Variants in PSTPIP1 observed in about 807,000 individuals in gnomAD.
The protein encoded by PSTPIP1 is proline-serine-threonine phosphatase-interacting protein 1.
A neutral mutation model predicts 69.6 loss-of-function variants in PSTPIP1; 66 were observed. That is an observed-to-expected ratio of 0.95 (90% CI 0.78 to 1.16). The LOEUF (loss-of-function observed/expected upper bound fraction) is 1.16. Ranked by LOEUF, PSTPIP1 falls within the 50% of genes most tolerant of loss-of-function variation. The probability of loss-of-function intolerance (pLI) is 0.00; values close to 1 mark genes in which losing one functional copy is unlikely to be tolerated. For synonymous variants in PSTPIP1, 266 were observed against 222.7 expected, an observed-to-expected ratio of 1.19 and a Z score of -1.73; for missense variants, 603 against 557.4, an observed-to-expected ratio of 1.08 and a Z score of -0.82.
intron 11 of PSTPIP1, 81 bp from the exon 12 acceptor site, chr15:77,032,781 A>G: frequency 8.0e-7 from 1 of 1,255,282 alleles, no homozygotes; most frequent in South Asian, 1.4e-5. Context: ...CAGATTGGGA[A>G]TGTAGGGCCC....
chr15:77,028,819 A>C (rs1255688018), intron 7 of PSTPIP1, among the ~76,000 whole-genome samples, 167 bp downstream of exon 7: 1 of 152,196 alleles, frequency 6.6e-6, no homozygotes, highest in African/African-American at 2.4e-5. Flanking sequence ...CCTGGAGAGA[A>C]CCTCAGGCCA....
intron 6 of PSTPIP1, chr15:77,028,224 A>G: frequency 2.0e-6 from 1 of 505,946 alleles, no homozygotes; most frequent in African/African-American, 2.0e-5. Flanking sequence ...GACGCTGGAC[A>G]GGAAGGGAGA....
intron 14 of PSTPIP1, among the ~76,000 whole-genome samples, chr15:77,036,692 G>A (rs2076582105): frequency 2.0e-5 from 3 of 152,128 alleles, no homozygotes; most frequent in Non-Finnish European, 4.4e-5. Context: ...GCTGGGGCTG[G>A]GGACCGCAAA....
In PSTPIP1 at chr15:77,018,502, A is replaced by G; in HGVS notation, c.183A>G (p.Ala61=). The G allele has an allele frequency of 6.3e-7, 1 of 1,580,994 alleles. No homozygotes were observed. The highest frequency in any genetic ancestry group is 8.6e-7 in the Non-Finnish European group (1 of 1,163,472). ...ACGGGAAGGAGCTGGTGCAGATCGCACGGAAGGCAGGTGGCCAGACGGAGA... is the reference window on the plus strand; with the variant it reads ...ACGGGAAGGAGCTGGTGCAGATCGCGCGGAAGGCAGGTGGCCAGACGGAGA... ...ERYGKELVQI[A]RKAGGQTEIN... The change falls in exon 3 of 15, where the codon GCA becomes GCG. Residue 61 remains alanine (A), a synonymous_variant. Coordinates refer to ENST00000558012, the MANE Select transcript of PSTPIP1 (RefSeq NM_003978.5).
intron 1 of PSTPIP1, among the ~76,000 whole-genome samples, chr15:77,012,090 G>A (rs1471321958): frequency 2.0e-5 from 3 of 151,620 alleles, no homozygotes; most frequent in Non-Finnish European, 4.4e-5. Context: ...GTAAGCAACC[G>A]CCTTGTTTAC....
chr15:77,010,132 G>GC (rs1204301964), intron 1 of PSTPIP1, among the ~76,000 whole-genome samples: 4 of 152,166 alleles, frequency 2.6e-5, no homozygotes, highest in African/African-American at 9.7e-5. Context: ...TTCCTCACTT[G>GC]CCCTCACTGT....
chr15:77,002,191 C>T (rs575997673), intron 1 of PSTPIP1, among the ~76,000 whole-genome samples: 4 of 152,340 alleles, frequency 2.6e-5, no homozygotes, highest in East Asian at 1.9e-4. Context: ...ACCTAAGGCA[C>T]GGCAGGTCTA....
chr15:76,995,731 C>T, intron 1 of PSTPIP1, 122 bp downstream of exon 1: 1 of 1,554,470 alleles, frequency 6.4e-7, no homozygotes, highest in Non-Finnish European at 8.8e-7. Flanking sequence ...GTGGTTGATT[C>T]TTGGTCTTAA....
intron 6 of PSTPIP1, chr15:77,028,225 G>A: frequency 7.8e-6 from 4 of 509,690 alleles, no homozygotes; most frequent in Non-Finnish European, 1.4e-5. Context: ...ACGCTGGACA[G>A]GAAGGGAGAG....
At chr15:77,000,476 T>TATACACAC (rs1033258180) in intron 1 of PSTPIP1, among the ~76,000 whole-genome samples, 1 of 146,794 alleles carries the variant, frequency 6.8e-6, no homozygotes, top group Non-Finnish European at 1.5e-5. Context: ...TATATATATA[T>TATACACAC]ACACACACAC....
At chr15:77,009,722 C>T (rs1221657554) in intron 1 of PSTPIP1, among the ~76,000 whole-genome samples, 1 of 152,198 alleles carries the variant, frequency 6.6e-6, no homozygotes, top group African/African-American at 2.4e-5. Flanking sequence ...TCATCCCGAT[C>T]TCACAGAGGA....
In PSTPIP1 at chr15:77,025,790, G is replaced by A. The variant is rs748368596; in HGVS notation, c.354+186G>A. 3.3e-5 allele frequency among the ~76,000 whole-genome samples: 5 copies of A among 152,162 alleles called. No individual in the cohort carries two copies. In the East Asian group the frequency reaches 5.8e-4, roughly 18 times the overall value. ...GGGTAGGGAGGGCAGAGGCCTGGCCGCTGGCACTAAGGCCAACTCTTAGTC... is the reference window on the plus strand; with the variant it reads ...GGGTAGGGAGGGCAGAGGCCTGGCCACTGGCACTAAGGCCAACTCTTAGTC... On this transcript the variant is annotated intron_variant, in intron 5 of 14. Transcript: ENST00000558012.
At chr15:77,023,844 G>C (rs1240770943) in intron 3 of PSTPIP1, among the ~76,000 whole-genome samples, 1 of 152,082 alleles carries the variant, frequency 6.6e-6, no homozygotes, top group Non-Finnish European at 1.5e-5. Context: ...GCCTCTAACT[G>C]AATGAGTGGG....
In PSTPIP1 at chr15:77,037,123, G is replaced by A. The variant is rs1181047842; in HGVS notation, c.1198G>A (p.Glu400Lys). ...LEGEDGWWTVERNGQRGFVPG... is the reference protein window; with the variant it reads ...LEGEDGWWTVKRNGQRGFVPG... ...AGGGGAGGATGGCTGGTGGACTGTG[G>A]AGAGGAACGGGCAGCGTGGCTTCGT... Residue 400 changes from glutamate to lysine, a missense_variant, in exon 15 of 15, where the codon GAG becomes AAG. By Grantham distance (56) the Glu-to-Lys change is moderately conservative. Transcript: ENST00000558012. 1.9e-6 allele frequency: 3 copies of A among 1,612,324 alleles called. No homozygotes were observed. The highest frequency in any genetic ancestry group is 2.2e-5 in the East Asian group (1 of 44,882).
intron 1 of PSTPIP1, among the ~76,000 whole-genome samples, chr15:77,013,444 G>A (rs1342350601): frequency 1.3e-5 from 2 of 152,164 alleles, no homozygotes; most frequent in Non-Finnish European, 2.9e-5. Context: ...CTGTAAAGGG[G>A]AGAAACATCT....
intron 12 of PSTPIP1, among the ~76,000 whole-genome samples, chr15:77,034,856 C>G (rs1478704704): frequency 6.6e-6 from 1 of 152,254 alleles, no homozygotes; most frequent in Non-Finnish European, 1.5e-5. Flanking sequence ...TTCCTTTATT[C>G]AGTAAACCTT....
intron 1 of PSTPIP1, among the ~76,000 whole-genome samples, chr15:77,017,777 G>A (rs2152678500): frequency 6.6e-6 from 1 of 152,340 alleles, no homozygotes; most frequent in Non-Finnish European, 1.5e-5. Context: ...AGGGATATTG[G>A]AAGGGTGGCA....
rs972168237 is a variant in PSTPIP1 at position 77,027,940 on chromosome 15, G to A, written c.417+26G>A. 13 of 1,536,658 alleles carry A rather than the reference G, an allele frequency of 8.5e-6. No homozygotes were observed. In the Admixed American group the frequency reaches 2.3e-4, roughly 28 times the overall value. On this transcript the variant is annotated intron_variant, in intron 6 of 14. Coordinates refer to ENST00000558012, the MANE Select transcript of PSTPIP1 (RefSeq NM_003978.5). The surrounding 1 kb of genome is among the most constrained non-coding windows in gnomAD (Gnocchi z 4.3). ...GTGAGCGCCAGGGCCTGGGGCCGCG[G>A]CCTTCCCTCGAGGAGCAGCGCAGGT...
At chr15:77,028,786 C>T in intron 7 of PSTPIP1, 134 bp downstream of exon 7, 1 of 798,432 alleles carries the variant, frequency 1.3e-6, no homozygotes, top group Admixed American at 3.4e-5. Flanking sequence ...GACCCCCAAT[C>T]TCCCCATCTG....
Sources: allele counts gnomAD v4.1 joint callset (sites outside exome capture counted in the v4.1 genomes callset), GRCh38; gene constraint gnomAD v4.1.1; non-coding constraint Gnocchi (gnomAD v3.1); transcripts MANE v1.5; gene names NCBI Gene and HGNC (gene_info 2026-07-23, HGNC 2026-07-21).